Variants in MYO7A observed in about 807,000 individuals in gnomAD.
The protein encoded by MYO7A is unconventional myosin-VIIa.
In MYO7A, 210 loss-of-function variants were observed where a neutral mutation model predicts 263.8. The observed-to-expected ratio is 0.80, with a 90% CI of 0.71 to 0.89. The LOEUF (loss-of-function observed/expected upper bound fraction) is 0.89, where lower values mean the gene tolerates loss of function less well. Among genes scored for constraint, MYO7A ranks in the 40% least tolerant of loss-of-function variants. MYO7A has a pLI of 0.00. For synonymous variants in MYO7A, 1,239 were observed against 1,197.3 expected, an observed-to-expected ratio of 1.03 and a Z score of -0.72; for missense variants, 2,820 against 2,968.3, an observed-to-expected ratio of 0.95 and a Z score of 1.16.
intron 2 of MYO7A, among the ~76,000 whole-genome samples, chr11:77,141,641 A>T (rs569617315): frequency 6.6e-6 from 1 of 152,292 alleles, no homozygotes; most frequent in South Asian, 2.1e-4. Flanking sequence ...CTCGCCCATC[A>T]GGTCCTACCT....
intron 36 of MYO7A, 139 bp from the exon 37 acceptor site, chr11:77,202,161 C>A: frequency 8.9e-7 from 1 of 1,127,780 alleles, no homozygotes; most frequent in Non-Finnish European, 1.2e-6. Flanking sequence ...AGGAACGGGG[C>A]TCCCAGGGTC....
At position 77,160,320 on chromosome 11, in the gene MYO7A, C is replaced by T. The variant is rs782802356; in HGVS notation, c.1200+38C>T. 5.2e-6 allele frequency: 8 copies of T among 1,537,476 alleles called. No homozygotes were observed. The South Asian group carries it at 9.6e-5, about 18-fold the overall frequency. On this transcript the variant is annotated intron_variant, in intron 11 of 48. Coordinates refer to ENST00000409709, the MANE Select transcript of MYO7A (RefSeq NM_000260.4). ...GAAGGGGCCGCTTGCTCGCCCTACC[C>T]CTTGGGAAGTTGGGCTCTTGATGGG... is the stretch of plus-strand genomic sequence containing the variant.
At chr11:77,176,600 C>T (rs782647102) in intron 18 of MYO7A, among the ~76,000 whole-genome samples, 12 of 152,138 alleles carry the variant, frequency 7.9e-5, no homozygotes, top group East Asian at 7.7e-4. Context: ...CCAGGGAACT[C>T]GGAGGAGCTC....
At chr11:77,189,274 T>TAGG in intron 27 of MYO7A, 70 bp from the exon 28 acceptor site, 11 of 1,594,600 alleles carry the variant, frequency 6.9e-6, no homozygotes, top group Non-Finnish European at 9.4e-6. Context: ...CACTGGCTGC[T>TAGG]AGGAGGAGGT....
chr11:77,137,745 G>T, intron 2 of MYO7A, among the ~76,000 whole-genome samples: 1 of 152,106 alleles, frequency 6.6e-6, no homozygotes, highest in East Asian at 1.9e-4. Context: ...GGCCTCCAAG[G>T]CCTCTTCTGC....
At position 77,145,536 on chromosome 11, in the gene MYO7A, C is replaced by T. The variant is rs538032939; in HGVS notation, c.133-2262C>T. Among the ~76,000 whole-genome samples, 8 of 152,298 alleles carry T rather than the reference C, an allele frequency of 5.3e-5. No homozygotes were observed. In the East Asian group the frequency reaches 1.5e-3, roughly 29 times the overall value. On this transcript the variant is annotated intron_variant, in intron 3 of 48. Coordinates refer to ENST00000409709, the MANE Select transcript of MYO7A (RefSeq NM_000260.4). ...CAGACAGCCTGCCCAGGAGCCCTCT[C>T]CCCTCCTGTCCACACTGGGGCCTGG...
chr11:77,209,773 T>C (rs542531087), intron 44 of MYO7A, among the ~76,000 whole-genome samples: 1 of 152,304 alleles, frequency 6.6e-6, no homozygotes, highest in Non-Finnish European at 1.5e-5. Context: ...TCCTCATCCA[T>C]TTTGGTCCTT....
intron 38 of MYO7A, among the ~76,000 whole-genome samples, chr11:77,203,841 C>G (rs985176026): frequency 6.6e-6 from 1 of 152,144 alleles, no homozygotes; most frequent in South Asian, 2.1e-4. Flanking sequence ...GTGGCATGGT[C>G]AGATTCACCA....
intron 18 of MYO7A, among the ~76,000 whole-genome samples, chr11:77,176,803 G>T (rs1954687092): frequency 6.6e-6 from 1 of 152,202 alleles, no homozygotes; most frequent in African/African-American, 2.4e-5. Context: ...AAGGGCAGGG[G>T]CCATGTCTCC....
In MYO7A at chr11:77,184,685, T is replaced by C; in HGVS notation, c.3473T>C (p.Ile1158Thr). 6.3e-7 allele frequency: 1 copy of C among 1,599,566 alleles called. No homozygotes were observed. The highest frequency in any genetic ancestry group is 1.7e-5 in the Admixed American group (1 of 57,942). The stretch of plus-strand genomic sequence containing the variant: ...AACCTGGAGAAGCTGCACTTCATCA[T>C]CGGCAATGGCATCCTGCGGCCAGCA... The part of the protein sequence containing the change: ...TSNLEKLHFI[I>T]GNGILRPALR... Residue 1158 changes from isoleucine (I) to threonine (T), a missense_variant, in exon 27 of 49, where the codon ATC (isoleucine) becomes ACC (threonine). Coordinates refer to ENST00000409709, the MANE Select transcript of MYO7A (RefSeq NM_000260.4).
chr11:77,201,788 T>C, intron 36 of MYO7A, 150 bp downstream of exon 36: 1 of 776,996 alleles, frequency 1.3e-6, no homozygotes, highest in Non-Finnish European at 1.8e-6. Flanking sequence ...GTTGGGGCAG[T>C]GCTCAAACCT....
At chr11:77,152,401 C>T (rs370336197) in intron 4 of MYO7A, among the ~76,000 whole-genome samples, 1 of 152,186 alleles carries the variant, frequency 6.6e-6, no homozygotes, top group African/African-American at 2.4e-5. Flanking sequence ...GGCAAGGCTT[C>T]CTGTTGTGGC....
intron 7 of MYO7A, 26 bp downstream of exon 7, chr11:77,157,030 G>A (rs184332069): frequency 9.3e-6 from 15 of 1,607,014 alleles, no homozygotes; most frequent in Admixed American, 1.7e-5. Context: ...AGGGATGCAG[G>A]AATAGACCCA....
chr11:77,151,494 T>C (rs1179829594), intron 4 of MYO7A, among the ~76,000 whole-genome samples: 4 of 152,150 alleles, frequency 2.6e-5, no homozygotes, highest in Non-Finnish European at 5.9e-5. Context: ...GGGCACTTCC[T>C]GGAGGAGGTG....
chr11:77,202,219 G>A, intron 36 of MYO7A, 81 bp from the exon 37 acceptor site: 1 of 1,465,780 alleles, frequency 6.8e-7, no homozygotes, highest in Admixed American at 2.3e-5. Flanking sequence ...CCAGAGTCCA[G>A]AAGGCTTCAG....
chr11:77,131,584 C>G (rs781863868), intron 2 of MYO7A, among the ~76,000 whole-genome samples: 4 of 152,218 alleles, frequency 2.6e-5, no homozygotes, highest in African/African-American at 9.6e-5. Context: ...AAAGTCCATT[C>G]GCTGAGTGTT....
intron 2 of MYO7A, among the ~76,000 whole-genome samples, chr11:77,132,646 G>A (rs1354153910): frequency 3.3e-5 from 5 of 152,126 alleles, no homozygotes; most frequent in African/African-American, 7.2e-5. Context: ...CCGTCACCAC[G>A]TCCAACTAAT....
intron 14 of MYO7A, among the ~76,000 whole-genome samples, chr11:77,163,973 G>A (rs1555070864): frequency 6.6e-6 from 1 of 151,956 alleles, no homozygotes; most frequent in Non-Finnish European, 1.5e-5. Context: ...CTGAGGCTCA[G>A]AACAAGGTGG....
chr11:77,136,453 G>GCCACCAGC (rs1950906884), intron 2 of MYO7A, among the ~76,000 whole-genome samples: 8 of 152,222 alleles, frequency 5.3e-5, no homozygotes, highest in Middle Eastern at 3.4e-3. Flanking sequence ...CCTCTCTTTA[G>GCCACCAGC]CCACCAGCCG....
Sources: allele counts gnomAD v4.1 joint callset (sites outside exome capture counted in the v4.1 genomes callset), GRCh38; gene constraint gnomAD v4.1.1; transcripts MANE v1.5; gene names NCBI Gene and HGNC (gene_info 2026-07-23, HGNC 2026-07-21).